The following BICRAL variants were observed in gnomAD, a reference collection of about 807,000 sequenced individuals.
BICRAL encodes BICRA like chromatin remodeling complex associated protein, also known as BRD4-interacting chromatin-remodeling complex-associated protein-like.
Under a neutral mutation model 91.8 loss-of-function variants are expected in BICRAL, and 8 were observed. The observed-to-expected ratio is 0.09, with a 90% CI of 0.05 to 0.16. The LOEUF (loss-of-function observed/expected upper bound fraction) is 0.16, where lower values mean the gene tolerates loss of function less well. Ranked by LOEUF, BICRAL falls within the 10% of genes least tolerant of loss-of-function variation. BICRAL has a pLI of 1.00. For synonymous variants in BICRAL, 445 were observed against 491.1 expected, an observed-to-expected ratio of 0.91 and a Z score of 1.24; for missense variants, 1,038 against 1,310.9, an observed-to-expected ratio of 0.79 and a Z score of 3.21.
At chr6:42,804,653 G>A (rs1351805543) in intron 1 of BICRAL, among the ~76,000 whole-genome samples, 1 of 152,230 alleles carries the variant, frequency 6.6e-6, no homozygotes, top group Non-Finnish European at 1.5e-5. Context: ...TGGTCAAGGT[G>A]GCAAAGAACT....
chr6:42,803,351 A>T (rs1009981721), intron 1 of BICRAL, among the ~76,000 whole-genome samples: 1 of 152,110 alleles, frequency 6.6e-6, no homozygotes, highest in African/African-American at 2.4e-5. Flanking sequence ...AGATGTGGGG[A>T]ATCAGTTGAT....
intron 8 of BICRAL, among the ~76,000 whole-genome samples, chr6:42,854,207 G>T (rs896069341): frequency 6.6e-6 from 1 of 152,052 alleles, no homozygotes; most frequent in Non-Finnish European, 1.5e-5. Context: ...CAACTTTTTG[G>T]TTTTTGTTTG....
chr6:42,768,193 C>T (rs1762664434), intron 1 of BICRAL, among the ~76,000 whole-genome samples: 1 of 152,110 alleles, frequency 6.6e-6, no homozygotes, highest in African/African-American at 2.4e-5. Context: ...GATTTGTCTT[C>T]GAAAGCCAAT....
chr6:42,809,477 C>T (rs1321718675), intron 1 of BICRAL, among the ~76,000 whole-genome samples: 1 of 133,668 alleles, frequency 7.5e-6, no homozygotes, highest in Non-Finnish European at 1.5e-5. Context: ...GCTCTTGTTG[C>T]CCGGACTAGA....
chr6:42,802,635 A>G (rs903841323), intron 1 of BICRAL, among the ~76,000 whole-genome samples: 1 of 152,082 alleles, frequency 6.6e-6, no homozygotes, highest in Non-Finnish European at 1.5e-5. Context: ...TTTTTAGTAG[A>G]GACAGGGTTT....
At chr6:42,776,696 A>G (rs745844275) in intron 1 of BICRAL, among the ~76,000 whole-genome samples, 8 of 152,102 alleles carry the variant, frequency 5.3e-5, no homozygotes, top group Non-Finnish European at 1.0e-4. Flanking sequence ...CCTCCAACCA[A>G]CCTGAGATAT....
chr6:42,845,628 C>T (rs1764983259), intron 6 of BICRAL, among the ~76,000 whole-genome samples: 1 of 152,060 alleles, frequency 6.6e-6, no homozygotes, highest in East Asian at 1.9e-4. Flanking sequence ...TCATTGTTCT[C>T]CCTCCTTGTT....
At chr6:42,856,222 T>C (rs1363193648) in intron 9 of BICRAL, among the ~76,000 whole-genome samples, 2 of 151,222 alleles carry the variant, frequency 1.3e-5, no homozygotes, top group African/African-American at 4.9e-5. Flanking sequence ...GAGGCTGAGG[T>C]GGGAGGATAG....
chr6:42,791,742 G>A lies in BICRAL; in HGVS notation c.-102+9641G>A, dbSNP rs544656475. On this transcript the variant is annotated intron_variant, in intron 1 of 12. Coordinates refer to ENST00000314073, the MANE Select transcript of BICRAL (RefSeq NM_001393499.1). ...GCCTCCCAAAGTGCTAGGACTATAG[G>A]TGTGAACCACTGCACCTGGCCTCTG... 1.6e-4 allele frequency among the ~76,000 whole-genome samples: 25 copies of A among 152,212 alleles called. No individual in the cohort carries two copies. The South Asian group carries it at 3.7e-3, about 23-fold the overall frequency.
intron 1 of BICRAL, among the ~76,000 whole-genome samples, chr6:42,766,722 C>G (rs974943970): frequency 2.6e-5 from 4 of 151,856 alleles, no homozygotes; most frequent in African/African-American, 4.8e-5. Context: ...ACCAGTAATC[C>G]GAGCTACTCG....
chr6:42,754,579 C>A (rs991115406), intron 1 of BICRAL, among the ~76,000 whole-genome samples: 6 of 152,190 alleles, frequency 3.9e-5, no homozygotes, highest in Non-Finnish European at 8.8e-5. Flanking sequence ...ATTTTCTATT[C>A]TATTTATTGC....
chr6:42,785,986 C>G (rs949356099), intron 1 of BICRAL, among the ~76,000 whole-genome samples: 11 of 152,164 alleles, frequency 7.2e-5, no homozygotes, highest in Admixed American at 6.5e-4. Context: ...ACCTGGGAGA[C>G]GGAGGTTGTA....
At chr6:42,776,581 C>G (rs970267533) in intron 1 of BICRAL, among the ~76,000 whole-genome samples, 3 of 151,616 alleles carry the variant, frequency 2.0e-5, no homozygotes, top group Admixed American at 2.0e-4. Context: ...CTCCTGGGCT[C>G]AAGCGACCCT....
At chr6:42,854,694 A>T (rs1176912038) in intron 8 of BICRAL, among the ~76,000 whole-genome samples, 5 of 150,262 alleles carry the variant, frequency 3.3e-5, no homozygotes, top group Admixed American at 2.7e-4. Context: ...ATATTTTTAT[A>T]TTTTTTTTAA....
intron 5 of BICRAL, among the ~76,000 whole-genome samples, chr6:42,824,877 T>C (rs1287558007): frequency 6.6e-6 from 1 of 152,146 alleles, no homozygotes; most frequent in Admixed American, 6.6e-5. Flanking sequence ...AATCCCACCA[T>C]TTTAGGAGGC....
intron 1 of BICRAL, among the ~76,000 whole-genome samples, chr6:42,786,889 A>G (rs1763118585): frequency 6.6e-6 from 1 of 152,052 alleles, no homozygotes; most frequent in Admixed American, 6.6e-5. Context: ...TAGGAATGAG[A>G]TGGAGTTGGA....
Position 42,864,726 on chromosome 6 carries a change from C to T in BICRAL, c.2520C>T (p.Gly840=). ...LDKAAHETQF[G]RSDQHGSKAS... ...AAGCTGCTCATGAGACACAGTTTGG[C>T]CGGAGTGACCAGCATGGCAGTAAAG... The change falls in exon 13 of 13, where the codon GGC becomes GGT. Residue 840 remains glycine (G), a synonymous_variant. Coordinates refer to ENST00000314073, the MANE Select transcript of BICRAL (RefSeq NM_001393499.1). 6.2e-7 allele frequency: 1 copy of T among 1,614,090 alleles called. No individual in the cohort carries two copies. Among genetic ancestry groups the T allele is most frequent in the South Asian group, 1.1e-5 (1 of 91,086 alleles).
chr6:42,828,273 C>A (rs560023313), intron 5 of BICRAL, among the ~76,000 whole-genome samples: 1 of 151,804 alleles, frequency 6.6e-6, no homozygotes, highest in Non-Finnish European at 1.5e-5. Flanking sequence ...CGGTGGCAGG[C>A]GCCTGTAGTC....
chr6:42,781,092 C>A (rs2113856398), upstream of BICRAL, among the ~76,000 whole-genome samples: 1 of 151,788 alleles, frequency 6.6e-6, no homozygotes, highest in South Asian at 2.1e-4. Flanking sequence ...GAAGTTTCAA[C>A]AATTTGAGAT....
Sources: gnomAD v4.1 joint callset for allele counts (sites outside exome capture counted in the v4.1 genomes callset) on GRCh38, gnomAD v4.1.1 for gene constraint, MANE v1.5 for transcripts, NCBI Gene and HGNC (gene_info 2026-07-23, HGNC 2026-07-21) for gene names.